The following GLYATL3 variants were observed in gnomAD, a reference collection of about 807,000 sequenced individuals.
GLYATL3 encodes glycine-N-acyltransferase like 3.
Under a neutral mutation model 28.5 loss-of-function variants are expected in GLYATL3, and 31 were observed. That is an observed-to-expected ratio of 1.09 (90% CI 0.82 to 1.47). The LOEUF (loss-of-function observed/expected upper bound fraction) is 1.47. Among genes scored for constraint, GLYATL3 ranks in the 40% most tolerant of loss-of-function variants. The pLI is 0.00. For synonymous variants in GLYATL3, 141 were observed against 140.2 expected (o/e 1.01, Z -0.04); for missense variants, 369 against 351.5 (o/e 1.05, Z -0.40).
At chr6:49,513,275 G>A (rs950410428) in intron 2 of GLYATL3, among the ~76,000 whole-genome samples, 2 of 152,040 alleles carry the variant, frequency 1.3e-5, no homozygotes, top group African/African-American at 4.8e-5. Flanking sequence ...TCCTTCCAAA[G>A]TTCCTTCATA....
At chr6:49,517,088 G>A (rs1199104434) in intron 3 of GLYATL3, among the ~76,000 whole-genome samples, 1 of 148,022 alleles carries the variant, frequency 6.8e-6, no homozygotes, top group Non-Finnish European at 1.5e-5. Context: ...CTGGCTCACT[G>A]CAATCTCCGC....
chr6:49,505,985 G>A (rs901746654), intron 1 of GLYATL3, among the ~76,000 whole-genome samples: 2 of 152,210 alleles, frequency 1.3e-5, no homozygotes, highest in Non-Finnish European at 2.9e-5. Flanking sequence ...GTTAGAGAAC[G>A]AGGACTGTTT....
chr6:49,503,176 G>A (rs948332097), intron 1 of GLYATL3, among the ~76,000 whole-genome samples: 2 of 150,002 alleles, frequency 1.3e-5, no homozygotes, highest in African/African-American at 2.5e-5. Context: ...CAAAGGGGGG[G>A]ATATAAGTCC....
At chr6:49,511,621 T>C (rs540184136) in intron 1 of GLYATL3, among the ~76,000 whole-genome samples, 31 of 152,182 alleles carry the variant, frequency 2.0e-4, no homozygotes, top group Admixed American at 4.6e-4. Flanking sequence ...ATACAGCTTA[T>C]AGGTTACTCA....
intron 1 of GLYATL3, among the ~76,000 whole-genome samples, chr6:49,502,266 A>C (rs1768928180): frequency 2.0e-5 from 3 of 152,204 alleles, no homozygotes; most frequent in Admixed American, 1.3e-4. Context: ...CAAAATTAAC[A>C]ATAGTGGATC....
intron 4 of GLYATL3, among the ~76,000 whole-genome samples, chr6:49,518,725 G>T (rs1393085852): frequency 6.6e-6 from 1 of 152,088 alleles, no homozygotes; most frequent in African/African-American, 2.4e-5. Flanking sequence ...TAGATCGTGA[G>T]GTCAGGAGAT....
intron 5 of GLYATL3, among the ~76,000 whole-genome samples, chr6:49,524,862 C>T (rs1342117334): frequency 1.3e-5 from 2 of 151,474 alleles, no homozygotes; most frequent in African/African-American, 4.9e-5. Context: ...CGCCTGTCAT[C>T]CCAGCTGCTT....
At chr6:49,509,025 T>C (rs1451324431) in intron 1 of GLYATL3, among the ~76,000 whole-genome samples, 2 of 151,930 alleles carry the variant, frequency 1.3e-5, no homozygotes, top group East Asian at 1.9e-4. Flanking sequence ...AGCTAGAGTA[T>C]TGGACTTTAG....
chr6:49,505,946 C>T (rs1390114155), intron 1 of GLYATL3, among the ~76,000 whole-genome samples: 2 of 152,174 alleles, frequency 1.3e-5, no homozygotes, highest in Non-Finnish European at 2.9e-5. Context: ...CGTTGTTCTA[C>T]AAAAGACAAC....
chr6:49,511,403 T>G (rs937208349), intron 1 of GLYATL3, among the ~76,000 whole-genome samples: 3 of 152,212 alleles, frequency 2.0e-5, no homozygotes, highest in Non-Finnish European at 4.4e-5. Context: ...CTCCAGTTTT[T>G]CCTCATAACG....
At chr6:49,514,504 G>A (rs1000323984) in intron 2 of GLYATL3, among the ~76,000 whole-genome samples, 1 of 152,144 alleles carries the variant, frequency 6.6e-6, no homozygotes, top group Admixed American at 6.5e-5. Flanking sequence ...ACATATGCAA[G>A]CTATTTTGTA....
intron 4 of GLYATL3, among the ~76,000 whole-genome samples, chr6:49,519,469 T>C (rs1769277968): frequency 1.3e-5 from 2 of 152,242 alleles, no homozygotes; most frequent in African/African-American, 2.4e-5. Flanking sequence ...ATAGCTGTAA[T>C]GTTCTTGGAA....
chr6:49,515,091 G>T (rs1769192026), intron 2 of GLYATL3, among the ~76,000 whole-genome samples: 2 of 152,062 alleles, frequency 1.3e-5, no homozygotes. Flanking sequence ...TGCTTATAGA[G>T]CCTTGCTCCA....
intron 1 of GLYATL3, among the ~76,000 whole-genome samples, chr6:49,511,475 A>G (rs1237163038): frequency 6.6e-6 from 1 of 152,086 alleles, no homozygotes; most frequent in Non-Finnish European, 1.5e-5. Flanking sequence ...ATGTTTTCCA[A>G]CTTAGCTCGA....
chr6:49,516,576 T>C (rs1254230614), intron 3 of GLYATL3, among the ~76,000 whole-genome samples: 1 of 152,102 alleles, frequency 6.6e-6, no homozygotes, highest in African/African-American at 2.4e-5. Flanking sequence ...CACTGAGTTA[T>C]ATACCCTCTT....
chr6:49,501,925 C>G (rs570667853), intron 1 of GLYATL3, among the ~76,000 whole-genome samples: 18 of 152,312 alleles, frequency 1.2e-4, no homozygotes, highest in African/African-American at 4.3e-4. Context: ...GGATAGGAAT[C>G]TTGGTGATGT....
intron 1 of GLYATL3, among the ~76,000 whole-genome samples, chr6:49,508,556 G>A (rs1202513644): frequency 6.6e-6 from 1 of 152,086 alleles, no homozygotes; most frequent in Non-Finnish European, 1.5e-5. Context: ...ATGGACAGGT[G>A]CCCCTCATGC....
chr6:49,500,080 A>G (rs1389205339), intron 1 of GLYATL3, 38 bp downstream of exon 1: 1 of 152,202 alleles, frequency 6.6e-6, no homozygotes, highest in African/African-American at 2.4e-5. Flanking sequence ...ATTTCAAGTC[A>G]TAGTTTATAA....
At chr6:49,510,881 G>A (rs751932701) in intron 1 of GLYATL3, among the ~76,000 whole-genome samples, 7 of 152,324 alleles carry the variant, frequency 4.6e-5, no homozygotes, top group Non-Finnish European at 1.0e-4. Flanking sequence ...CTTTCCAGAG[G>A]TTCAGGCTCA....
Sources: allele counts gnomAD v4.1 joint callset (sites outside exome capture counted in the v4.1 genomes callset), GRCh38; gene constraint gnomAD v4.1.1; transcripts MANE v1.5; gene names NCBI Gene and HGNC (gene_info 2026-07-23, HGNC 2026-07-21).